The following RBM20 variants were observed in gnomAD, a reference collection of about 807,000 sequenced individuals.
The protein encoded by RBM20 is RNA binding motif protein 20.
A neutral mutation model predicts 110.1 loss-of-function variants in RBM20; 51 were observed. The ratio of observed to expected loss-of-function variants is 0.46; its 90% CI spans 0.37 to 0.59. The LOEUF (loss-of-function observed/expected upper bound fraction) is 0.59. Ranked by LOEUF, RBM20 falls within the 20% of genes least tolerant of loss-of-function variation. The pLI is 0.00. For missense variants in RBM20, 1,512 were observed against 1,574.9 expected (o/e 0.96, Z 0.68); for synonymous variants, 589 against 618.2 (o/e 0.95, Z 0.70).
chr10:110,737,193 A>AAAAAAAAAAAAAAAAAAAAAAAAC (rs796374212), intron 1 of RBM20, among the ~76,000 whole-genome samples: 6 of 116,498 alleles, frequency 5.2e-5, no homozygotes, highest in African/African-American at 1.5e-4. Flanking sequence ...AAAAAAAAAA[A>AAAAAAAAAAAAAAAAAAAAAAAAC]AAAACACCCC....
At chr10:110,717,534 T>G (rs1387912604) in intron 1 of RBM20, among the ~76,000 whole-genome samples, 1 of 152,214 alleles carries the variant, frequency 6.6e-6, no homozygotes, top group Non-Finnish European at 1.5e-5. Context: ...CCTGGCCATC[T>G]GGAATGAACT....
chr10:110,686,057 G>A (rs933933412), intron 1 of RBM20, among the ~76,000 whole-genome samples: 3 of 152,152 alleles, frequency 2.0e-5, no homozygotes, highest in African/African-American at 4.8e-5. Flanking sequence ...TAGCTGTGGA[G>A]CTTTGACAAG....
chr10:110,767,748 G>C (rs1296792057), intron 1 of RBM20, among the ~76,000 whole-genome samples: 2 of 152,006 alleles, frequency 1.3e-5, no homozygotes, highest in African/African-American at 4.8e-5. Flanking sequence ...GGGCAGAGAC[G>C]CTCCTCACTT....
chr10:110,766,369 G>A (rs1013946020), intron 1 of RBM20, among the ~76,000 whole-genome samples: 5 of 151,348 alleles, frequency 3.3e-5, no homozygotes, highest in Admixed American at 2.0e-4. Flanking sequence ...GGTGTTTCTC[G>A]CAGAGGGGTA....
chr10:110,822,547 C>T, intron 11 of RBM20: 2 of 451,452 alleles, frequency 4.4e-6, no homozygotes, highest in Middle Eastern at 6.6e-4. Context: ...TAGGCTAAGC[C>T]CCGTCTTCTC....
intron 12 of RBM20, among the ~76,000 whole-genome samples, chr10:110,827,407 CA>C (rs35330052): frequency 3.6e-4 from 52 of 145,798 alleles, no homozygotes; most frequent in African/African-American, 7.3e-4. Flanking sequence ...GGAAAAGAAA[CA>C]AAAAAAAAAA....
At chr10:110,783,985 A>G (rs1844387399) in intron 3 of RBM20, among the ~76,000 whole-genome samples, 1 of 152,194 alleles carries the variant, frequency 6.6e-6, no homozygotes, top group African/African-American at 2.4e-5. Flanking sequence ...TGTAAATGGA[A>G]TCATATGATA....
intron 12 of RBM20, among the ~76,000 whole-genome samples, chr10:110,828,347 C>A (rs899406150): frequency 6.6e-6 from 1 of 152,190 alleles, no homozygotes; most frequent in African/African-American, 2.4e-5. Flanking sequence ...GTGTCTGCAG[C>A]AACCCCCATT....
At chr10:110,782,797 G>C (rs952735673) in intron 2 of RBM20, among the ~76,000 whole-genome samples, 1 of 151,862 alleles carries the variant, frequency 6.6e-6, no homozygotes, top group Admixed American at 6.5e-5. Context: ...TGCAGAGTGT[G>C]AGTCACACTG....
Position 110,821,458 on chromosome 10 carries a change from C to A in RBM20, c.2839C>A (p.Leu947Met), listed in dbSNP as rs775712384. The A allele has an allele frequency of 1.3e-6, 2 of 1,551,702 alleles. No individual in the cohort carries two copies. Among genetic ancestry groups the A allele is most frequent in the African/African-American group, 2.7e-5 (2 of 73,042 alleles). The change falls in exon 11 of 14, where the codon CTG becomes ATG. Residue 947 changes from leucine (L) to methionine (M), a missense_variant. Around this residue, in one of 3 missense-constraint regions of RBM20, gnomAD observed 358 missense variants for 384.2 expected, o/e 0.93. Transcript: ENST00000369519. ...AGACAAAATTTGCCCAGAAACATGT[C>A]TGTGTGTGACAACCACCTTAGACTT... ...QKDKICPETC[L>M]CVTTTLDLDL...
chr10:110,718,136 AC>A (rs1420392629), intron 1 of RBM20, among the ~76,000 whole-genome samples: 3 of 151,966 alleles, frequency 2.0e-5, no homozygotes, highest in African/African-American at 7.3e-5. Flanking sequence ...AGTCAGCACC[AC>A]CCCTGACTTC....
At chr10:110,713,668 G>A (rs1862972029) in intron 1 of RBM20, among the ~76,000 whole-genome samples, 2 of 152,190 alleles carry the variant, frequency 1.3e-5, no homozygotes, top group South Asian at 2.1e-4. Context: ...TTTGTACAGT[G>A]TTTTGAAAGA....
chr10:110,774,144 A>T (rs559190766), intron 1 of RBM20, among the ~76,000 whole-genome samples: 1 of 152,302 alleles, frequency 6.6e-6, no homozygotes, highest in East Asian at 1.9e-4. Flanking sequence ...TCTTCTTACT[A>T]TAGACTGGAA....
At position 110,707,988 on chromosome 10, in the gene RBM20, C is replaced by T. The variant is rs922235593; in HGVS notation, c.191+63343C>T. ...GTTGTACCTCTGTGTCAAGACACCA[C>T]ATGTACTCCACAAAGAGGTACACCT... is the stretch of plus-strand genomic sequence containing the variant. On this transcript the variant is annotated intron_variant, in intron 1 of 13. Coordinates refer to ENST00000369519, the MANE Select transcript of RBM20 (RefSeq NM_001134363.3). 4.6e-5 allele frequency among the ~76,000 whole-genome samples: 7 copies of T among 152,244 alleles called. No individual in the cohort carries two copies. In the East Asian group the frequency reaches 1.3e-3, roughly 29 times the overall value.
intron 1 of RBM20, among the ~76,000 whole-genome samples, chr10:110,702,453 T>C (rs544486199): frequency 6.6e-6 from 1 of 152,306 alleles, no homozygotes; most frequent in East Asian, 1.9e-4. Flanking sequence ...GGAAGATTAC[T>C]TGAGCCCAGG....
intron 1 of RBM20, among the ~76,000 whole-genome samples, chr10:110,674,985 A>T (rs1435990059): frequency 6.6e-6 from 1 of 152,238 alleles, no homozygotes; most frequent in Non-Finnish European, 1.5e-5. Context: ...CAAAATATCT[A>T]ATACACGTTC....
chr10:110,787,401 G>T (rs185175073), intron 5 of RBM20, among the ~76,000 whole-genome samples: 1 of 152,338 alleles, frequency 6.6e-6, no homozygotes, highest in East Asian at 1.9e-4. Context: ...AACCATGGCT[G>T]TTCTTGAGTA....
chr10:110,732,958 G>A (rs1183664247), intron 1 of RBM20, among the ~76,000 whole-genome samples: 2 of 152,144 alleles, frequency 1.3e-5, no homozygotes, highest in South Asian at 4.1e-4. Context: ...TACTCACCAG[G>A]CTCGGAAAAT....
intron 1 of RBM20, among the ~76,000 whole-genome samples, chr10:110,752,994 A>G (rs948445143): frequency 7.0e-6 from 1 of 143,192 alleles, no homozygotes; most frequent in African/African-American, 2.6e-5. Context: ...GCTGGAGTGC[A>G]GCAGTGAGAT....
Sources: allele counts gnomAD v4.1 joint callset (sites outside exome capture counted in the v4.1 genomes callset), GRCh38; gene constraint gnomAD v4.1.1; regional missense constraint gnomAD v4.1.1; transcripts MANE v1.5; gene names NCBI Gene and HGNC (gene_info 2026-07-23, HGNC 2026-07-21).